SDHAF4: variants seen among roughly 807,000 people sequenced by gnomAD.
SDHAF4 encodes the protein succinate dehydrogenase assembly factor 4, mitochondrial.
A neutral mutation model predicts 14.3 loss-of-function variants in SDHAF4; 14 were observed. The observed-to-expected ratio is 0.98, with a 90% CI of 0.65 to 1.53. The LOEUF (loss-of-function observed/expected upper bound fraction) is 1.53. Ranked by LOEUF, SDHAF4 falls within the 40% of genes most tolerant of loss-of-function variation. SDHAF4 has a pLI of 0.00. For missense variants in SDHAF4, 141 were observed against 129.3 expected (o/e 1.09, Z -0.44); for synonymous variants, 63 against 47.3 (o/e 1.33, Z -1.36).
chr6:70,579,385 C>G (rs1486066271), intron 1 of SDHAF4, 29 bp from the exon 2 acceptor site: 1 of 1,406,482 alleles, frequency 7.1e-7, no homozygotes, highest in East Asian at 2.6e-5. Context: ...TGAACAGCTC[C>G]TATTTTTCTA....
chr6:70,582,330 G>T (rs768440047), intron 2 of SDHAF4, among the ~76,000 whole-genome samples: 1 of 152,104 alleles, frequency 6.6e-6, no homozygotes, highest in Non-Finnish European at 1.5e-5. Context: ...CTCCCAAAAT[G>T]CTGAGATTAC....
intron 1 of SDHAF4, among the ~76,000 whole-genome samples, chr6:70,576,444 C>T (rs1581928289): frequency 6.6e-6 from 1 of 152,276 alleles, no homozygotes; most frequent in Admixed American, 6.5e-5. Flanking sequence ...CTCGCTTTCC[C>T]CAAGACACAG....
At chr6:70,596,135 C>A in the SDHAF4 span, among the ~76,000 whole-genome samples, 4 of 152,266 alleles carry the variant, frequency 2.6e-5, no homozygotes, top group South Asian at 8.3e-4. Flanking sequence ...TGAAGACTAT[C>A]AATTTGGTAC....
intron 1 of SDHAF4, among the ~76,000 whole-genome samples, chr6:70,572,478 C>G (rs1329473143): frequency 1.3e-5 from 2 of 152,036 alleles, no homozygotes; most frequent in Non-Finnish European, 2.9e-5. Context: ...CATATATTAG[C>G]TTGATTTAGC....
chr6:70,587,290 G>T (rs1765213631), intron 2 of SDHAF4, among the ~76,000 whole-genome samples: 1 of 152,050 alleles, frequency 6.6e-6, no homozygotes, highest in African/African-American at 2.4e-5. Flanking sequence ...AGGAGTTTGA[G>T]ACCAGCCTGG....
intron 2 of SDHAF4, among the ~76,000 whole-genome samples, chr6:70,580,609 G>A (rs1326741637): frequency 6.6e-6 from 1 of 152,164 alleles, no homozygotes; most frequent in Non-Finnish European, 1.5e-5. Flanking sequence ...TAAACAAAAT[G>A]TGGCATATAC....
intron 1 of SDHAF4, among the ~76,000 whole-genome samples, chr6:70,573,963 AC>A (rs1802218650): frequency 6.6e-6 from 1 of 151,966 alleles, no homozygotes; most frequent in Admixed American, 6.6e-5. Context: ...GGTGTGAGCC[AC>A]TGTGCCCAGC....
At chr6:70,597,594 C>A in the SDHAF4 span, among the ~76,000 whole-genome samples, 1 of 152,128 alleles carries the variant, frequency 6.6e-6, no homozygotes, top group Non-Finnish European at 1.5e-5. Context: ...GGTGACTATA[C>A]TTCACGCCAA....
Position 70,566,961 on chromosome 6 carries a change from C to G in SDHAF4, c.21C>G (p.Pro7=), listed in dbSNP as rs770114209. The G allele has an allele frequency of 3.1e-6, 5 of 1,592,108 alleles. No homozygotes were observed. In the South Asian group the frequency reaches 3.4e-5, roughly 11 times the overall value. The stretch of plus-strand genomic sequence containing the variant: ...GCGCCATGACCCCATCGAGGCTTCC[C>G]TGGTTGCTTAGCTGGGTCTCGGCCA... MTPSRL[P]WLLSWVSATA... The change falls in exon 1 of 3, where the codon CCC becomes CCG. Residue 7 remains proline, a synonymous_variant. Transcript: ENST00000370474.
At chr6:70,578,857 T>A (rs993802077) in intron 1 of SDHAF4, among the ~76,000 whole-genome samples, 1 of 152,122 alleles carries the variant, frequency 6.6e-6, no homozygotes, top group Admixed American at 6.6e-5. Flanking sequence ...TAAAACAATC[T>A]TTTTTTAGAG....
At chr6:70,568,999 T>A (rs1802143543) in intron 1 of SDHAF4, among the ~76,000 whole-genome samples, 1 of 129,690 alleles carries the variant, frequency 7.7e-6, no homozygotes, top group Admixed American at 9.6e-5. Flanking sequence ...GGAGTTTCGC[T>A]CTGTCGCCCG....
the SDHAF4 span, among the ~76,000 whole-genome samples, chr6:70,597,600 G>A: frequency 1.3e-5 from 2 of 152,028 alleles, no homozygotes; most frequent in Non-Finnish European, 2.9e-5. Context: ...TATACTTCAC[G>A]CCAAACAAAC....
chr6:70,577,344 T>C (rs1194390803), intron 1 of SDHAF4, among the ~76,000 whole-genome samples: 1 of 151,624 alleles, frequency 6.6e-6, no homozygotes, highest in Non-Finnish European at 1.5e-5. Context: ...TAGCTAGAAC[T>C]TGTACTCAAA....
At chr6:70,573,264 C>CTTTTTTTTTTTTTTTTTTT (rs202098262) in intron 1 of SDHAF4, among the ~76,000 whole-genome samples, 9 of 110,426 alleles carry the variant, frequency 8.2e-5, no homozygotes, top group East Asian at 2.2e-4. Flanking sequence ...GCTATTTGGC[C>CTTTTTTTTTTTTTTTTTTT]TTTTTTTTTT....
the SDHAF4 span, among the ~76,000 whole-genome samples, chr6:70,595,493 A>G: frequency 1.3e-5 from 2 of 152,240 alleles, no homozygotes; most frequent in African/African-American, 4.8e-5. Flanking sequence ...GTGTGCTACA[A>G]AGTAATAACT....
At chr6:70,570,448 G>A (rs943228758) in intron 1 of SDHAF4, among the ~76,000 whole-genome samples, 1 of 151,946 alleles carries the variant, frequency 6.6e-6, no homozygotes, top group Non-Finnish European at 1.5e-5. Flanking sequence ...TCAGCCTCCC[G>A]AGTAGCTGGG....
At chr6:70,576,015 G>A (rs1312267257) in intron 1 of SDHAF4, among the ~76,000 whole-genome samples, 1 of 152,194 alleles carries the variant, frequency 6.6e-6, no homozygotes, top group African/African-American at 2.4e-5. Context: ...AACACCTACT[G>A]TTTAATAGGC....
downstream of SDHAF4, among the ~76,000 whole-genome samples, chr6:70,590,455 A>G (rs539871984): frequency 1.3e-5 from 2 of 152,344 alleles, no homozygotes; most frequent in East Asian, 1.9e-4. Context: ...AGGTGTTCCC[A>G]GAATAGTCAT....
rs747869484 is a variant in SDHAF4 at position 70,584,257 on chromosome 6, C to T, written c.218-4358C>T. The stretch of plus-strand genomic sequence containing the variant: ...GTCTCGAACTGCTGACCTCGTGATC[C>T]GCTCGCCTCGGCCTCCCACAGTGCT... On this transcript the variant is annotated intron_variant, in intron 2 of 2. Transcript: ENST00000370474. Among the ~76,000 whole-genome samples, 19 of 152,230 alleles carry T rather than the reference C, an allele frequency of 1.2e-4. 1 individual carries two copies. Among genetic ancestry groups the T allele is most frequent in the African/African-American group, 2.2e-4 (9 of 41,528 alleles).
Sources: gnomAD v4.1 joint callset for allele counts (sites outside exome capture counted in the v4.1 genomes callset) on GRCh38, gnomAD v4.1.1 for gene constraint, MANE v1.5 for transcripts, NCBI Gene and HGNC (gene_info 2026-07-23, HGNC 2026-07-21) for gene names.